The following RANBP2 variants were observed in gnomAD, a reference collection of about 807,000 sequenced individuals.
RANBP2 encodes E3 SUMO-protein ligase RanBP2.
RANBP2 carries 57 observed loss-of-function variants against 303.6 expected under a neutral mutation model. The ratio of observed to expected loss-of-function variants is 0.19; its 90% CI spans 0.15 to 0.23. The LOEUF (loss-of-function observed/expected upper bound fraction) is 0.23, where lower values mean the gene tolerates loss of function less well. Ranked by LOEUF, RANBP2 falls within the 10% of genes least tolerant of loss-of-function variation. RANBP2 has a pLI of 1.00. For synonymous variants in RANBP2, 1,167 were observed against 1,301.5 expected (o/e 0.90, Z 2.23); for missense variants, 3,138 against 3,780.8 (o/e 0.83, Z 4.46).
the RANBP2 span, chr2:109,436,771 C>G: frequency 7.0e-7 from 1 of 1,427,542 alleles, no homozygotes. Context: ...GGACCTCGTC[C>G]CCAGATCAGT....
chr2:109,239,911 C>T, the RANBP2 span, among the ~76,000 whole-genome samples: 1 of 152,336 alleles, frequency 6.6e-6, no homozygotes, highest in East Asian at 1.9e-4. Flanking sequence ...CACTCAATCA[C>T]TGGCAGCCAG....
the RANBP2 span, among the ~76,000 whole-genome samples, chr2:109,355,502 G>C: frequency 6.6e-6 from 1 of 152,194 alleles, no homozygotes; most frequent in Non-Finnish European, 1.5e-5. Flanking sequence ...CTACAATGGA[G>C]GGTTGAGTAA....
At chr2:109,742,738 CAG>C in the RANBP2 span, among the ~76,000 whole-genome samples, 2 of 146,636 alleles carry the variant, frequency 1.4e-5, no homozygotes, top group African/African-American at 5.2e-5. Flanking sequence ...AGAATGAAGT[CAG>C]AGTACTGACA....
intron 24 of RANBP2, 91 bp downstream of exon 24, chr2:108,776,027 C>A: frequency 9.0e-7 from 1 of 1,112,132 alleles, no homozygotes; most frequent in Non-Finnish European, 1.3e-6. Context: ...TGAAAACTCC[C>A]TTTAAAACAC....
At chr2:109,016,056 G>A in the RANBP2 span, among the ~76,000 whole-genome samples, 2 of 151,602 alleles carry the variant, frequency 1.3e-5, no homozygotes, top group African/African-American at 4.8e-5. Flanking sequence ...TCACAGTTGT[G>A]GTAGGTGGTG....
the RANBP2 span, among the ~76,000 whole-genome samples, chr2:109,427,801 A>G: frequency 1.3e-5 from 2 of 152,210 alleles, no homozygotes; most frequent in African/African-American, 4.8e-5. Context: ...AGAACCGAGC[A>G]GTTTCTGCTG....
chr2:109,317,012 A>G, the RANBP2 span, among the ~76,000 whole-genome samples: 18 of 150,108 alleles, frequency 1.2e-4, no homozygotes, highest in Admixed American at 9.3e-4. Flanking sequence ...ATAACACTCC[A>G]TTGTCTGGGT....
the RANBP2 span, among the ~76,000 whole-genome samples, chr2:109,084,671 G>T: frequency 1.3e-5 from 2 of 152,198 alleles, no homozygotes; most frequent in African/African-American, 2.4e-5. Context: ...GTTCGAAGGA[G>T]CTGAGACCTG....
chr2:109,309,536 A>T, the RANBP2 span, among the ~76,000 whole-genome samples: 14 of 129,186 alleles, frequency 1.1e-4, 1 homozygote, highest in African/African-American at 5.2e-4. Context: ...TAAATGCTCC[A>T]ATTAAAAGAC....
the RANBP2 span, among the ~76,000 whole-genome samples, chr2:109,314,924 C>T: frequency 3.9e-5 from 6 of 152,204 alleles, no homozygotes; most frequent in Non-Finnish European, 1.5e-5. Context: ...AAAGAAACTT[C>T]GTCTCCCCGT....
At chr2:109,558,481 G>A in the RANBP2 span, among the ~76,000 whole-genome samples, 3 of 152,174 alleles carry the variant, frequency 2.0e-5, no homozygotes, top group Non-Finnish European at 4.4e-5. Flanking sequence ...AAAGAGATTA[G>A]TTAGGTTAAT....
the RANBP2 span, among the ~76,000 whole-genome samples, chr2:109,557,144 C>T: frequency 1.8e-4 from 27 of 151,772 alleles, no homozygotes; most frequent in East Asian, 5.2e-3. Context: ...ACGTTGTGCA[C>T]ATGTACCCTA....
At chr2:109,019,604 G>A in the RANBP2 span, among the ~76,000 whole-genome samples, 12 of 152,282 alleles carry the variant, frequency 7.9e-5, no homozygotes, top group Admixed American at 7.2e-4. Flanking sequence ...TTAAGCGACC[G>A]CTTAAGATTG....
At chr2:108,974,729 CA>C in the RANBP2 span, among the ~76,000 whole-genome samples, 109 of 143,362 alleles carry the variant, frequency 7.6e-4, no homozygotes, top group African/African-American at 1.8e-3. Flanking sequence ...GACTCCATCT[CA>C]AAAAAAAAAA....
the RANBP2 span, among the ~76,000 whole-genome samples, chr2:109,006,418 A>G: frequency 6.8e-6 from 1 of 146,510 alleles, no homozygotes; most frequent in Non-Finnish European, 1.5e-5. Flanking sequence ...CTGGTCTTGA[A>G]CTCCTGACCT....
chr2:109,175,052 G>A, the RANBP2 span, among the ~76,000 whole-genome samples: 59 of 152,160 alleles, frequency 3.9e-4, 1 homozygote, highest in Middle Eastern at 6.8e-3. Flanking sequence ...GAGTCGCACA[G>A]CAAAATCCCA....
the RANBP2 span, among the ~76,000 whole-genome samples, chr2:109,424,825 C>T: frequency 6.6e-6 from 1 of 152,122 alleles, no homozygotes; most frequent in Non-Finnish European, 1.5e-5. Context: ...TGAAATCAGG[C>T]CTTTTAGTAA....
chr2:109,506,951 CAG>C, the RANBP2 span, among the ~76,000 whole-genome samples: 1 of 152,224 alleles, frequency 6.6e-6, no homozygotes, highest in South Asian at 2.1e-4. Flanking sequence ...CCACCCCACA[CAG>C]AGCAGTGGGA....
At chr2:109,596,004 G>A in the RANBP2 span, among the ~76,000 whole-genome samples, 1 of 152,106 alleles carries the variant, frequency 6.6e-6, no homozygotes, top group Non-Finnish European at 1.5e-5. Context: ...ATATTATTTT[G>A]ACTTGTCAAG....
Sources: gnomAD v4.1 joint callset for allele counts (sites outside exome capture counted in the v4.1 genomes callset) on GRCh38, gnomAD v4.1.1 for gene constraint, MANE v1.5 for transcripts, NCBI Gene and HGNC (gene_info 2026-07-23, HGNC 2026-07-21) for gene names.